Variants in DPYSL2 observed in about 807,000 individuals in gnomAD.
DPYSL2 encodes dihydropyrimidinase like 2.
In DPYSL2, 13 loss-of-function variants were observed where a neutral mutation model predicts 69.9. The ratio of observed to expected loss-of-function variants is 0.19; its 90% CI spans 0.12 to 0.30. The LOEUF (loss-of-function observed/expected upper bound fraction) is 0.30, where lower values mean the gene tolerates loss of function less well. Ranked by LOEUF, DPYSL2 falls within the 10% of genes least tolerant of loss-of-function variation. The pLI is 1.00. For synonymous variants in DPYSL2, 326 were observed against 359.1 expected (o/e 0.91, Z 1.04); for missense variants, 587 against 918.9 (o/e 0.64, Z 4.67).
In DPYSL2 at chr8:26,640,953, A is replaced by C. The variant is rs1394530399; in HGVS notation, c.1127-2486A>C. The stretch of plus-strand genomic sequence containing the variant: ...CAGAAGGCCAAGTTCATTCTCTTGA[A>C]GTGAGGTAGATATTCCTGTGCACAG... On this transcript the variant is annotated intron_variant, in intron 8 of 13. Coordinates refer to ENST00000521913, the MANE Select transcript of DPYSL2 (RefSeq NM_001197293.3). This position sits in a 1 kb window ranked among gnomAD's most constrained non-coding sequence, Gnocchi z 4.2. 6.6e-6 allele frequency among the ~76,000 whole-genome samples: 1 copy of C among 152,148 alleles called. No individual in the cohort carries two copies. The highest frequency in any genetic ancestry group is 1.5e-5 in the Non-Finnish European group (1 of 68,038).
chr8:26,629,954 C>T (rs1027504188), intron 7 of DPYSL2, among the ~76,000 whole-genome samples: 5 of 147,634 alleles, frequency 3.4e-5, no homozygotes, highest in Non-Finnish European at 4.5e-5. Context: ...AGCACACACA[C>T]GTGCACACAC....
intron 1 of DPYSL2, chr8:26,578,129 CG>C: frequency 1.3e-6 from 2 of 1,558,562 alleles, no homozygotes; most frequent in Non-Finnish European, 1.7e-6. Context: ...ACCAGCGAAG[CG>C]GTTGCACCCT....
rs754215253 is a variant in DPYSL2, at chr8:26,581,850, A to C, written c.355-119A>C. 3.0e-5 allele frequency: 23 copies of C among 776,692 alleles called. 1 individual carries two copies. The highest frequency in any genetic ancestry group is 2.5e-4 in the South Asian group (15 of 60,262). The allele number at this position is 776,692 out of a possible 1,614,324, so 48.1% of individuals were successfully genotyped here. A position where few individuals can be genotyped will look rare whatever the true frequency, so the allele number is the denominator to read the frequency against. On this transcript the variant is annotated intron_variant, in intron 1 of 13. Transcript: ENST00000521913. ...ACCTTTGTCACTGAACCTTTCCAAA[A>C]TGGGCTTATTTTGAACATCACTTTT...
At position 26,514,726 on chromosome 8, in the gene DPYSL2, T is replaced by A; in HGVS notation, c.354+47T>A. 1 of 1,328,878 alleles carries A rather than the reference T, an allele frequency of 7.5e-7. No homozygotes were observed. The highest frequency in any genetic ancestry group is 9.7e-7 in the Non-Finnish European group (1 of 1,029,174). 82.3% of individuals were successfully genotyped at this position (1,328,878 alleles called of 1,614,324 possible). A position where few individuals can be genotyped will look rare whatever the true frequency, so the allele number is the denominator to read the frequency against. On this transcript the variant is annotated intron_variant, in intron 1 of 13. Coordinates refer to ENST00000521913, the MANE Select transcript of DPYSL2 (RefSeq NM_001197293.3). The surrounding 1 kb of genome is among the most constrained non-coding windows in gnomAD (Gnocchi z 8.4). Reference sequence around the variant, plus strand: ...GGAGACGGAGGACGGGGCGCGGGGATCGCCCCTCCCTCGCCCCTGAGCCCG... The same window carrying A: ...GGAGACGGAGGACGGGGCGCGGGGAACGCCCCTCCCTCGCCCCTGAGCCCG...
At chr8:26,524,835 A>AAAAAAAAGAG (rs1563374151) in intron 1 of DPYSL2, among the ~76,000 whole-genome samples, 2 of 74,228 alleles carry the variant, frequency 2.7e-5, no homozygotes, top group Non-Finnish European at 5.4e-5. Context: ...AAAAAAAAAA[A>AAAAAAAAGAG]AGAGAGAGAA....
intron 1 of DPYSL2, among the ~76,000 whole-genome samples, chr8:26,521,612 A>C (rs1310945357): frequency 1.3e-5 from 2 of 152,142 alleles, no homozygotes; most frequent in African/African-American, 4.8e-5. Flanking sequence ...TTAATTCCAG[A>C]ACATTTTCAT....
intron 7 of DPYSL2, among the ~76,000 whole-genome samples, chr8:26,633,418 AT>A (rs1232822290): frequency 2.0e-5 from 3 of 152,214 alleles, no homozygotes; most frequent in African/African-American, 7.2e-5. Context: ...CTGATCAGAT[AT>A]TCCACAGTCA....
At chr8:26,575,808 T>A (rs1050693565) in intron 1 of DPYSL2, among the ~76,000 whole-genome samples, 6 of 152,174 alleles carry the variant, frequency 3.9e-5, no homozygotes, top group African/African-American at 7.2e-5. Context: ...ATAGGTTACT[T>A]TGTTTTAAAT....
rs917861828 is a variant in DPYSL2, at chr8:26,578,470, G to C, written c.355-3499G>C. On this transcript the variant is annotated intron_variant, in intron 1 of 13. Coordinates refer to ENST00000521913, the MANE Select transcript of DPYSL2 (RefSeq NM_001197293.3). ...GGTTGTGGGAGATGCAGTGATCCAG[G>C]ATTAGAAGTCGCATCGTTTGCAAGG... is the stretch of plus-strand genomic sequence containing the variant. 17 of 1,460,222 alleles carry C rather than the reference G, an allele frequency of 1.2e-5. No individual in the cohort carries two copies. In the South Asian group the frequency reaches 2.4e-4, roughly 21 times the overall value. The allele number at this position is 1,460,222 out of a possible 1,614,324, so 90.5% of individuals were successfully genotyped here.
Position 26,531,535 on chromosome 8 carries a change from T to C in DPYSL2, c.354+16856T>C, listed in dbSNP as rs534689394. ...AAAGAACATGGATGTTGGAGCCATC[T>C]AGAGCTGGGATGAATCATTTATTCT... On this transcript the variant is annotated intron_variant, in intron 1 of 13. Coordinates refer to ENST00000521913, the MANE Select transcript of DPYSL2 (RefSeq NM_001197293.3). Among the ~76,000 whole-genome samples, 12 of 152,300 alleles carry C rather than the reference T, an allele frequency of 7.9e-5. No individual in the cohort carries two copies. In the East Asian group the frequency reaches 2.3e-3, roughly 29 times the overall value.
chr8:26,626,843 G>A lies in DPYSL2; in HGVS notation c.855+165G>A, dbSNP rs1002317296. On this transcript the variant is annotated intron_variant, in intron 5 of 13. Transcript: ENST00000521913. The surrounding 1 kb of genome is among the most constrained non-coding windows in gnomAD (Gnocchi z 4.3). Reference sequence around the variant, plus strand: ...CTGAGCCTTGGAAGAGAGTATGAACGCAGTGCCCTGGCCCCCAGCACTGCC... The same window carrying A: ...CTGAGCCTTGGAAGAGAGTATGAACACAGTGCCCTGGCCCCCAGCACTGCC... Among the ~76,000 whole-genome samples the A allele has an allele frequency of 2.6e-5, 4 of 152,128 alleles. No homozygotes were observed. The highest frequency in any genetic ancestry group is 4.4e-5 in the Non-Finnish European group (3 of 68,028).
chr8:26,554,661 A>G (rs1243257235), intron 1 of DPYSL2, among the ~76,000 whole-genome samples: 2 of 152,134 alleles, frequency 1.3e-5, no homozygotes, highest in African/African-American at 4.8e-5. Flanking sequence ...TTTACATTTA[A>G]GCCTTTTATC....
rs56215906 is a variant in DPYSL2 at position 26,557,623 on chromosome 8, C to CAAAAAAAAAAA, written c.355-24337_355-24327dup. ...CAAAACCCTGTCTCTACTAAAAATA[C>CAAAAAAAAAAA]AAAAAAAAAAAAAAAAAAAGCCAGG... On this transcript the variant is annotated intron_variant, in intron 1 of 13. Transcript: ENST00000521913. 1.1e-3 allele frequency among the ~76,000 whole-genome samples: 78 copies of CAAAAAAAAAAA among 74,250 alleles called. 1 individual carries two copies. The highest frequency in any genetic ancestry group is 2.9e-3 in the East Asian group (6 of 2,064). The allele number at this position is 74,250 out of a possible 152,430, so 48.7% of individuals were successfully genotyped here. A position where few individuals can be genotyped will look rare whatever the true frequency, so the allele number is the denominator to read the frequency against.
intron 7 of DPYSL2, among the ~76,000 whole-genome samples, chr8:26,634,428 C>CTTTTTTTTTTTTTT (rs55746168): frequency 1.1e-5 from 1 of 91,170 alleles, no homozygotes; most frequent in Non-Finnish European, 2.1e-5. Context: ...CCATGCCCAG[C>CTTTTTTTTTTTTTT]TTTTTTTTTT....
intron 1 of DPYSL2, among the ~76,000 whole-genome samples, chr8:26,579,205 A>C (rs561107141): frequency 6.6e-6 from 1 of 152,264 alleles, no homozygotes; most frequent in Non-Finnish European, 1.5e-5. Context: ...GGCTCGGCGC[A>C]GTGCTGGGGC....
At chr8:26,575,137 T>C (rs936992449) in intron 1 of DPYSL2, among the ~76,000 whole-genome samples, 16 of 152,240 alleles carry the variant, frequency 1.1e-4, no homozygotes, top group Admixed American at 1.0e-3. Flanking sequence ...TTTCACCATG[T>C]TGGCCAGCCT....
rs1024940930 is a variant in DPYSL2, at chr8:26,605,723, T to C, written c.629-18420T>C. On this transcript the variant is annotated intron_variant, in intron 3 of 13. Coordinates refer to ENST00000521913, the MANE Select transcript of DPYSL2 (RefSeq NM_001197293.3). This position sits in a 1 kb window ranked among gnomAD's most constrained non-coding sequence, Gnocchi z 4.1. ...CAATCAGAAAACATAATTTAAAAAA[T>C]CCATACACAATAGCAACATAAAATA... is the stretch of plus-strand genomic sequence containing the variant. 3.3e-5 allele frequency among the ~76,000 whole-genome samples: 5 copies of C among 152,104 alleles called. No individual in the cohort carries two copies. Among genetic ancestry groups the C allele is most frequent in the Non-Finnish European group, 7.4e-5 (5 of 68,018 alleles).
chr8:26,526,421 C>T (rs1405958385), intron 1 of DPYSL2, among the ~76,000 whole-genome samples: 1 of 152,164 alleles, frequency 6.6e-6, no homozygotes, highest in Admixed American at 6.5e-5. Context: ...AGCAATAGGT[C>T]ATGTTATTGA....
chr8:26,603,334 G>A lies in DPYSL2; in HGVS notation c.628+19351G>A, dbSNP rs1056569484. Among the ~76,000 whole-genome samples the A allele has an allele frequency of 2.1e-4, 32 of 152,080 alleles. 1 individual carries two copies. Among genetic ancestry groups the A allele is most frequent in the African/African-American group, 7.0e-4 (29 of 41,484 alleles). ...ACTACAGGTGTCCACCACCACACCC[G>A]GCTAATTTTTGTATTTTTAGTAGAG... On this transcript the variant is annotated intron_variant, in intron 3 of 13. Transcript: ENST00000521913.
Sources: gnomAD v4.1 joint callset for allele counts (sites outside exome capture counted in the v4.1 genomes callset) on GRCh38, gnomAD v4.1.1 for gene constraint, Gnocchi (gnomAD v3.1) non-coding constraint, MANE v1.5 for transcripts, NCBI Gene and HGNC (gene_info 2026-07-23, HGNC 2026-07-21) for gene names.